Variants in BCAS4 observed in about 807,000 individuals in gnomAD.
BCAS4 encodes breast carcinoma amplified sequence 4, also known as breast carcinoma-amplified sequence 4.
BCAS4 carries 9 observed loss-of-function variants against 15.7 expected under a neutral mutation model. The observed-to-expected ratio is 0.57, with a 90% confidence interval of 0.34 to 1.00. The LOEUF (loss-of-function observed/expected upper bound fraction) is 1.00. Among genes scored for constraint, BCAS4 ranks in the 50% least tolerant of loss-of-function variants. The pLI, the probability that BCAS4 is intolerant of heterozygous loss-of-function variation, is 0.02. For synonymous variants in BCAS4, 101 were observed against 99.5 expected, an observed-to-expected ratio of 1.02 and a Z score of -0.09; for missense variants, 225 against 239.1, an observed-to-expected ratio of 0.94 and a Z score of 0.39.
chr20:50,795,609 T>C (rs1225231504), intron 1 of BCAS4, among the ~76,000 whole-genome samples: 1 of 151,946 alleles, frequency 6.6e-6, no homozygotes, highest in African/African-American at 2.4e-5. Context: ...GTCTGCGCTT[T>C]CTATTTTAAA....
intron 4 of BCAS4, among the ~76,000 whole-genome samples, chr20:50,855,080 C>T (rs1383548154): frequency 1.3e-5 from 2 of 152,222 alleles, no homozygotes; most frequent in African/African-American, 4.8e-5. Flanking sequence ...GCACACCCGC[C>T]AGGGGTGTCT....
chr20:50,859,063 G>A (rs1469417350), intron 4 of BCAS4, among the ~76,000 whole-genome samples: 1 of 151,954 alleles, frequency 6.6e-6, no homozygotes, highest in Non-Finnish European at 1.5e-5. Context: ...CCCCCCGCAA[G>A]TAGCTGAGAG....
intron 4 of BCAS4, among the ~76,000 whole-genome samples, chr20:50,865,060 T>C (rs1485166948): frequency 6.6e-6 from 1 of 152,084 alleles, no homozygotes; most frequent in Non-Finnish European, 1.5e-5. Flanking sequence ...ACCACTGCAC[T>C]CCAGCCTGGG....
At chr20:50,800,602 C>T (rs1436940039) in intron 1 of BCAS4, among the ~76,000 whole-genome samples, 1 of 145,474 alleles carries the variant, frequency 6.9e-6, no homozygotes, top group Non-Finnish European at 1.5e-5. Flanking sequence ...GTTCTTGTCA[C>T]CCAGGCTGGA....
At position 50,864,532 on chromosome 20, in the gene BCAS4, A is replaced by G. The variant is rs939133735; in HGVS notation, c.400-11954A>G. On this transcript the variant is annotated intron_variant, in intron 4 of 4. Transcript: ENST00000371608. The stretch of plus-strand genomic sequence containing the variant: ...CAGCTCACTCTAACCTCCACCTCCC[A>G]GGTCCAAGAGATTCTCCTGCCTCAG... 3.4e-5 allele frequency among the ~76,000 whole-genome samples: 5 copies of G among 146,688 alleles called. No individual in the cohort carries two copies. The East Asian group carries it at 1.0e-3, about 30-fold the overall frequency.
intron 4 of BCAS4, among the ~76,000 whole-genome samples, chr20:50,855,036 G>A (rs114034143): frequency 0.017 from 2,521 of 152,310 alleles, 56 homozygotes; most frequent in African/African-American, 0.058. Context: ...GCCATGCTGG[G>A]TCATGAGGGG....
intron 1 of BCAS4, among the ~76,000 whole-genome samples, chr20:50,815,508 T>C (rs2088126292): frequency 6.6e-6 from 1 of 152,184 alleles, no homozygotes; most frequent in Non-Finnish European, 1.5e-5. Context: ...CTTGGCTCCA[T>C]CCTTTCTCCC....
intron 4 of BCAS4, among the ~76,000 whole-genome samples, chr20:50,844,544 G>C (rs1270645450): frequency 6.6e-6 from 1 of 152,174 alleles, no homozygotes; most frequent in Non-Finnish European, 1.5e-5. Context: ...CCTAACAGTG[G>C]GTCCTGCCTG....
chr20:50,861,200 C>T (rs1359661187), intron 4 of BCAS4, among the ~76,000 whole-genome samples: 2 of 152,192 alleles, frequency 1.3e-5, no homozygotes, highest in African/African-American at 4.8e-5. Context: ...TAGGCGTCTC[C>T]TGTGCGGCAG....
chr20:50,797,051 G>A (rs959608615), intron 1 of BCAS4, among the ~76,000 whole-genome samples: 4 of 151,796 alleles, frequency 2.6e-5, no homozygotes, highest in South Asian at 2.1e-4. Context: ...TTGCCCAGGC[G>A]GGTCTTGAAT....
chr20:50,842,512 G>T (rs1390906115), intron 4 of BCAS4, among the ~76,000 whole-genome samples: 1 of 152,168 alleles, frequency 6.6e-6, no homozygotes, highest in African/African-American at 2.4e-5. Context: ...TGGCCTCCTG[G>T]GTTCAAGTGA....
chr20:50,817,834 G>T (rs1297678487), intron 1 of BCAS4, among the ~76,000 whole-genome samples: 1 of 152,028 alleles, frequency 6.6e-6, no homozygotes, highest in East Asian at 1.9e-4. Context: ...ACTCCATCTG[G>T]ATTAGGATCC....
intron 4 of BCAS4, among the ~76,000 whole-genome samples, chr20:50,843,110 C>T (rs1256371022): frequency 1.3e-5 from 2 of 152,110 alleles, no homozygotes; most frequent in East Asian, 3.9e-4. Flanking sequence ...CAGGCACGCA[C>T]CATCACACCT....
intron 4 of BCAS4, among the ~76,000 whole-genome samples, chr20:50,852,746 A>C (rs890600294): frequency 2.0e-5 from 3 of 152,232 alleles, no homozygotes; most frequent in African/African-American, 7.2e-5. Context: ...TTTTGAAAAC[A>C]GGTCTGAGAG....
At chr20:50,866,725 C>G (rs1436496162) in intron 4 of BCAS4, among the ~76,000 whole-genome samples, 1 of 152,166 alleles carries the variant, frequency 6.6e-6, no homozygotes, top group African/African-American at 2.4e-5. Context: ...CCACACAGCT[C>G]CGGGGGTGCC....
intron 2 of BCAS4, among the ~76,000 whole-genome samples, chr20:50,822,728 T>C (rs1027960122): frequency 1.3e-5 from 2 of 151,540 alleles, no homozygotes; most frequent in Admixed American, 6.6e-5. Context: ...CTCTGCCTCC[T>C]GGGTTCAAGC....
Position 50,851,334 on chromosome 20 carries a change from G to A in BCAS4, c.399+9434G>A, listed in dbSNP as rs1478077902. 1.3e-5 allele frequency among the ~76,000 whole-genome samples: 2 copies of A among 152,062 alleles called. No homozygotes were observed. The highest frequency in any genetic ancestry group is 4.8e-5 in the African/African-American group (2 of 41,400). ...ACTGTGGAGGGCCGAGGGGTGCCGG[G>A]TCCCAGCCCCCACCTACCAGCCCCC... On this transcript the variant is annotated intron_variant, in intron 4 of 4. Transcript: ENST00000371608. The surrounding 1 kb of genome is among the most constrained non-coding windows in gnomAD (Gnocchi z 4.3).
intron 1 of BCAS4, among the ~76,000 whole-genome samples, chr20:50,801,761 G>T (rs1422368924): frequency 1.3e-5 from 2 of 152,192 alleles, no homozygotes; most frequent in Non-Finnish European, 2.9e-5. Context: ...GCAGACTAGT[G>T]ACAAACAGAG....
chr20:50,803,636 A>G (rs1280303480), intron 1 of BCAS4, among the ~76,000 whole-genome samples: 1 of 152,054 alleles, frequency 6.6e-6, no homozygotes, highest in African/African-American at 2.4e-5. Context: ...TAAGCTCAGG[A>G]GATCAAGACC....
Sources: allele counts gnomAD v4.1 joint callset (sites outside exome capture counted in the v4.1 genomes callset), GRCh38; gene constraint gnomAD v4.1.1; non-coding constraint Gnocchi (gnomAD v3.1); transcripts MANE v1.5; gene names NCBI Gene and HGNC (gene_info 2026-07-23, HGNC 2026-07-21).